The following C10orf90 variants were observed in gnomAD, a reference collection of about 807,000 sequenced individuals.
The protein encoded by C10orf90 is (E2-independent) E3 ubiquitin-conjugating enzyme FATS.
In C10orf90, 56 loss-of-function variants were observed where a neutral mutation model predicts 62.5. The ratio of observed to expected loss-of-function variants is 0.90; its 90% CI spans 0.72 to 1.12. C10orf90 has a LOEUF of 1.12. Ranked by LOEUF, C10orf90 falls within the 50% of genes most tolerant of loss-of-function variation. C10orf90 has a pLI of 0.00. For synonymous variants in C10orf90, 386 were observed against 340.4 expected (o/e 1.13, Z -1.47); for missense variants, 970 against 880.4 (o/e 1.10, Z -1.29).
At chr10:126,560,167 C>T in intron 2 of C10orf90, among the ~76,000 whole-genome samples, 1 of 152,128 alleles carries the variant, frequency 6.6e-6, no homozygotes, top group East Asian at 1.9e-4. Flanking sequence ...TTCCCCTTGG[C>T]CAGCAAGAAT....
chr10:126,650,303 C>T (rs181916090), intron 1 of C10orf90, among the ~76,000 whole-genome samples: 19 of 152,242 alleles, frequency 1.2e-4, no homozygotes, highest in African/African-American at 3.1e-4. Context: ...TGAATGGAAA[C>T]GGTAGTTTAC....
At chr10:126,527,986 C>T (rs1228048093) in intron 2 of C10orf90, among the ~76,000 whole-genome samples, 1 of 152,098 alleles carries the variant, frequency 6.6e-6, no homozygotes, top group Non-Finnish European at 1.5e-5. Flanking sequence ...AACATTTTTA[C>T]CCTTGATTGC....
chr10:126,436,539 C>T (rs370148982), intron 7 of C10orf90, among the ~76,000 whole-genome samples: 15 of 152,258 alleles, frequency 9.9e-5, no homozygotes, highest in African/African-American at 3.4e-4. Flanking sequence ...AGTCTTGTTA[C>T]GTATAAGTCT....
chr10:126,475,188 G>A (rs1860793556), intron 4 of C10orf90, among the ~76,000 whole-genome samples: 1 of 152,190 alleles, frequency 6.6e-6, no homozygotes, highest in African/African-American at 2.4e-5. Context: ...GACGTGGAGA[G>A]AACTATTTTG....
At chr10:126,609,847 C>T (rs990914429) in intron 2 of C10orf90, among the ~76,000 whole-genome samples, 5 of 152,324 alleles carry the variant, frequency 3.3e-5, no homozygotes, top group African/African-American at 1.2e-4. Context: ...ATGGGAGATG[C>T]TGAGCAAGGG....
intron 1 of C10orf90, among the ~76,000 whole-genome samples, chr10:126,663,271 G>T (rs1272567030): frequency 3.3e-5 from 5 of 152,190 alleles, no homozygotes; most frequent in African/African-American, 1.2e-4. Flanking sequence ...TCCTGGTGTA[G>T]TTGACTTTCT....
intron 2 of C10orf90, among the ~76,000 whole-genome samples, chr10:126,599,159 C>G (rs1315199388): frequency 6.6e-6 from 1 of 151,580 alleles, no homozygotes; most frequent in East Asian, 1.9e-4. Context: ...GATAAGAATG[C>G]CAGGCCTCAT....
chr10:126,552,150 A>C (rs890616462), intron 2 of C10orf90, among the ~76,000 whole-genome samples: 1 of 152,198 alleles, frequency 6.6e-6, no homozygotes, highest in Non-Finnish European at 1.5e-5. Flanking sequence ...AGTGTAAAAA[A>C]GCCTCTATAA....
At chr10:126,566,849 G>C (rs576126831) in intron 2 of C10orf90, among the ~76,000 whole-genome samples, 14 of 152,218 alleles carry the variant, frequency 9.2e-5, no homozygotes, top group African/African-American at 2.9e-4. Context: ...AGGACTTGAT[G>C]ATGGAGCACA....
intron 1 of C10orf90, among the ~76,000 whole-genome samples, chr10:126,649,194 G>T (rs1009336336): frequency 2.6e-5 from 4 of 151,664 alleles, no homozygotes; most frequent in Non-Finnish European, 5.9e-5. Context: ...ATTGATTCAA[G>T]AATTTTCAGC....
rs1845411533 is a variant in C10orf90 at position 126,610,614 on chromosome 10, C to T, written c.313+35951G>A. ...AGGATTGGGAAGGATTCTGGGCACA[C>T]AGTAGGCATTTATTAAATATTCATT... On this transcript the variant is annotated intron_variant, in intron 2 of 9. Coordinates refer to ENST00000488181, the MANE Select transcript of C10orf90 (RefSeq NM_001350921.2). Among the ~76,000 whole-genome samples, 4 of 152,310 alleles carry T rather than the reference C, an allele frequency of 2.6e-5. No homozygotes were observed. In the South Asian group the frequency reaches 8.3e-4, roughly 32 times the overall value.
At chr10:126,543,100 T>C (rs1044672022) in intron 2 of C10orf90, among the ~76,000 whole-genome samples, 2 of 152,218 alleles carry the variant, frequency 1.3e-5, no homozygotes, top group African/African-American at 4.8e-5. Flanking sequence ...CATATATGTG[T>C]TTCGTGTGAA....
At chr10:126,603,528 T>C (rs180961812) in intron 2 of C10orf90, among the ~76,000 whole-genome samples, 11 of 152,254 alleles carry the variant, frequency 7.2e-5, no homozygotes, top group Non-Finnish European at 1.2e-4. Context: ...CATCCGATGT[T>C]GTGGATAAAA....
chr10:126,661,878 A>C (rs1350263186), intron 1 of C10orf90, among the ~76,000 whole-genome samples: 1 of 152,102 alleles, frequency 6.6e-6, no homozygotes, highest in Non-Finnish European at 1.5e-5. Context: ...TTTAAAGGGC[A>C]AACAATATAA....
chr10:126,471,138 A>T (rs1404353324), intron 4 of C10orf90, among the ~76,000 whole-genome samples: 1 of 152,216 alleles, frequency 6.6e-6, no homozygotes, highest in Non-Finnish European at 1.5e-5. Context: ...GAGCTGCGTT[A>T]CCCACAAAGA....
chr10:126,661,480 C>T (rs1846510366), intron 1 of C10orf90, among the ~76,000 whole-genome samples: 1 of 152,202 alleles, frequency 6.6e-6, no homozygotes, highest in South Asian at 2.1e-4. Context: ...TGCTCTTTCT[C>T]TTAATCACAC....
At chr10:126,655,676 C>A (rs1846378996) in intron 1 of C10orf90, among the ~76,000 whole-genome samples, 1 of 152,080 alleles carries the variant, frequency 6.6e-6, no homozygotes, top group South Asian at 2.1e-4. Context: ...CAATTAGAGT[C>A]CTGAACAGTT....
At chr10:126,452,662 T>C (rs890832860) in intron 7 of C10orf90, among the ~76,000 whole-genome samples, 2 of 152,204 alleles carry the variant, frequency 1.3e-5, no homozygotes, top group African/African-American at 4.8e-5. Flanking sequence ...TTCTAATCAA[T>C]AGACATAAAT....
intron 2 of C10orf90, among the ~76,000 whole-genome samples, chr10:126,608,130 A>G (rs995931370): frequency 6.6e-6 from 1 of 152,154 alleles, no homozygotes; most frequent in African/African-American, 2.4e-5. Context: ...TCTTTTGGAC[A>G]CAGGGTCTTG....
Sources: gnomAD v4.1 joint callset for allele counts (sites outside exome capture counted in the v4.1 genomes callset) on GRCh38, gnomAD v4.1.1 for gene constraint, MANE v1.5 for transcripts, NCBI Gene and HGNC (gene_info 2026-07-23, HGNC 2026-07-21) for gene names.